Variants in PPP2R5E observed in about 807,000 individuals in gnomAD.
PPP2R5E encodes protein phosphatase 2 regulatory subunit B'epsilon.
In PPP2R5E, 4 loss-of-function variants were observed where a neutral mutation model predicts 65.3. That is an observed-to-expected ratio of 0.06 (90% CI 0.03 to 0.14). The LOEUF (loss-of-function observed/expected upper bound fraction) is 0.14. Among genes scored for constraint, PPP2R5E ranks in the 10% least tolerant of loss-of-function variants. PPP2R5E has a pLI of 1.00. For synonymous variants in PPP2R5E, 183 were observed against 187.4 expected, an observed-to-expected ratio of 0.98 and a Z score of 0.19; for missense variants, 274 against 556.1, an observed-to-expected ratio of 0.49 and a Z score of 5.10.
rs182913446 is a variant in PPP2R5E at position 63,508,335 on chromosome 14, A to G, written c.157+31194T>C. 2.8e-5 allele frequency: 14 copies of G among 497,818 alleles called. No individual in the cohort carries two copies. The Admixed American group carries it at 7.0e-4, about 25-fold the overall frequency. The allele number at this position is 497,818 out of a possible 1,614,324, so 30.8% of individuals were successfully genotyped here. A position where few individuals can be genotyped will look rare whatever the true frequency, so the allele number is the denominator to read the frequency against. On this transcript the variant is annotated intron_variant, in intron 2 of 13. Transcript: ENST00000337537. ...TTTGTTCTGTCACTCTCACAAAACA[A>G]CTGCATATATTCGCTAGTTTCATAG... is the stretch of plus-strand genomic sequence containing the variant.
At chr14:63,409,468 G>A (rs879561098) in intron 5 of PPP2R5E, among the ~76,000 whole-genome samples, 11 of 151,938 alleles carry the variant, frequency 7.2e-5, no homozygotes, top group African/African-American at 1.7e-4. Context: ...CTATCAATGC[G>A]GGCAGATAAC....
At chr14:63,376,890 G>A (rs1346576061) in intron 13 of PPP2R5E, among the ~76,000 whole-genome samples, 2 of 152,132 alleles carry the variant, frequency 1.3e-5, no homozygotes, top group Admixed American at 6.5e-5. Context: ...GACCCAGGCT[G>A]GGCGCAGTGG....
chr14:63,481,627 A>G (rs541486366), intron 2 of PPP2R5E, among the ~76,000 whole-genome samples: 1 of 152,292 alleles, frequency 6.6e-6, no homozygotes, highest in East Asian at 1.9e-4. Context: ...ATTGAGATAC[A>G]TTTCCAATAA....
intron 2 of PPP2R5E, among the ~76,000 whole-genome samples, chr14:63,539,117 C>A (rs1157051898): frequency 2.0e-5 from 3 of 152,022 alleles, no homozygotes; most frequent in South Asian, 2.1e-4. Context: ...TTCCAAATAC[C>A]ATTTTCTATA....
At chr14:63,415,336 T>C (rs895266924) in intron 4 of PPP2R5E, 104 bp from the exon 5 acceptor site, 6 of 675,070 alleles carry the variant, frequency 8.9e-6, no homozygotes, top group Admixed American at 6.7e-5. Context: ...GCTTAGAAAA[T>C]TGATTTTAAT....
rs184930581 is a variant in PPP2R5E, at chr14:63,512,463, T to C, written c.157+27066A>G. The stretch of plus-strand genomic sequence containing the variant: ...TGTAAGTGATCATACAAAGGCTTAA[T>C]GTGATGATCACCAATGTTTATAGAT... On this transcript the variant is annotated intron_variant, in intron 2 of 13. Coordinates refer to ENST00000337537, the MANE Select transcript of PPP2R5E (RefSeq NM_006246.5). Among the ~76,000 whole-genome samples the C allele has an allele frequency of 5.7e-3, 867 of 152,342 alleles. 8 individuals carry two copies. The highest frequency in any genetic ancestry group is 0.02 in the African/African-American group (828 of 41,578).
intron 3 of PPP2R5E, among the ~76,000 whole-genome samples, chr14:63,425,963 G>C (rs1887310540): frequency 6.6e-6 from 1 of 152,142 alleles, no homozygotes; most frequent in Admixed American, 6.5e-5. Context: ...ATTTCATTTA[G>C]CTACACACTG....
chr14:63,438,141 G>T (rs899487024), intron 3 of PPP2R5E, among the ~76,000 whole-genome samples: 1 of 152,202 alleles, frequency 6.6e-6, no homozygotes, highest in African/African-American at 2.4e-5. Flanking sequence ...CCTGCTCATT[G>T]TCTGCTTGCC....
intron 12 of PPP2R5E, 103 bp from the exon 13 acceptor site, chr14:63,382,260 C>G (rs61427538): frequency 0.026 from 19,673 of 745,500 alleles, 2,193 homozygotes; most frequent in African/African-American, 0.26. Flanking sequence ...ATTTCTCGTA[C>G]TGCACACTGT....
At chr14:63,463,600 CT>C (rs534076468) in intron 2 of PPP2R5E, among the ~76,000 whole-genome samples, 1,816 of 139,032 alleles carry the variant, frequency 0.013, 36 homozygotes, top group African/African-American at 0.041. Context: ...CTCGAATTCG[CT>C]TTTTTTTTTT....
At chr14:63,423,903 T>C (rs570706928) in intron 3 of PPP2R5E, among the ~76,000 whole-genome samples, 1 of 152,230 alleles carries the variant, frequency 6.6e-6, no homozygotes, top group South Asian at 2.1e-4. Flanking sequence ...CTCAGATGGG[T>C]AAGCTACGGG....
chr14:63,473,736 G>A (rs1890253056), intron 2 of PPP2R5E, among the ~76,000 whole-genome samples: 1 of 152,162 alleles, frequency 6.6e-6, no homozygotes, highest in African/African-American at 2.4e-5. Flanking sequence ...CAGGAAAAGG[G>A]GATGACATGG....
rs143432814 is a variant in PPP2R5E at position 63,454,015 on chromosome 14, C to T, written c.158-130G>A. On this transcript the variant is annotated intron_variant, in intron 2 of 13. Transcript: ENST00000337537. ...CACATGACAACAGTGTTCTTTTTCA[C>T]AGTTACACATGGGTGGGAGGGGATA... 174 of 676,808 alleles carry T rather than the reference C, an allele frequency of 2.6e-4. No individual in the cohort carries two copies. In the East Asian group the frequency reaches 5.0e-3, roughly 20 times the overall value. 41.9% of individuals were successfully genotyped at this position (676,808 alleles called of 1,614,324 possible).
At chr14:63,459,200 C>T (rs1039896632) in intron 2 of PPP2R5E, among the ~76,000 whole-genome samples, 55 of 152,150 alleles carry the variant, frequency 3.6e-4, no homozygotes, top group African/African-American at 1.3e-3. Flanking sequence ...GCAGATTGAG[C>T]CGTGATAGAC....
chr14:63,520,333 C>A (rs1892848202), intron 2 of PPP2R5E, among the ~76,000 whole-genome samples: 1 of 152,232 alleles, frequency 6.6e-6, no homozygotes, highest in Admixed American at 6.5e-5. Context: ...CCGCGCCCAG[C>A]CAAGAAGAAC....
At chr14:63,403,561 G>A (rs1885886405) in intron 5 of PPP2R5E, among the ~76,000 whole-genome samples, 1 of 151,782 alleles carries the variant, frequency 6.6e-6, no homozygotes, top group Non-Finnish European at 1.5e-5. Flanking sequence ...AAAGGGAAGT[G>A]CTGGGATGAC....
chr14:63,389,381 C>A (rs917583198), intron 11 of PPP2R5E, among the ~76,000 whole-genome samples: 6 of 151,954 alleles, frequency 3.9e-5, no homozygotes, highest in African/African-American at 1.5e-4. Context: ...AAACATAATG[C>A]CCTCCTTGCA....
At chr14:63,482,740 A>G (rs985183766) in intron 2 of PPP2R5E, among the ~76,000 whole-genome samples, 8 of 152,240 alleles carry the variant, frequency 5.3e-5, no homozygotes, top group African/African-American at 1.9e-4. Flanking sequence ...ATTTACTTTT[A>G]AGTACCAAAA....
At chr14:63,471,091 A>G (rs1490138736) in intron 2 of PPP2R5E, among the ~76,000 whole-genome samples, 1 of 152,246 alleles carries the variant, frequency 6.6e-6, no homozygotes, top group Non-Finnish European at 1.5e-5. Flanking sequence ...TAGATTCCAG[A>G]AACTCTCATA....
Sources: allele counts gnomAD v4.1 joint callset (sites outside exome capture counted in the v4.1 genomes callset), GRCh38; gene constraint gnomAD v4.1.1; transcripts MANE v1.5; gene names NCBI Gene and HGNC (gene_info 2026-07-23, HGNC 2026-07-21).